The following TUBA1C variants were observed in gnomAD, a reference collection of about 807,000 sequenced individuals.
The protein encoded by TUBA1C is tubulin alpha 1c, also known as tubulin alpha-1C chain.
A neutral mutation model predicts 34.9 loss-of-function variants in TUBA1C; 16 were observed. The observed-to-expected ratio is 0.46, with a 90% confidence interval of 0.31 to 0.70. The LOEUF is 0.70. Among genes scored for constraint, TUBA1C ranks in the 30% least tolerant of loss-of-function variants. The pLI is 0.05. For missense variants in TUBA1C, 329 were observed against 587.3 expected (o/e 0.56, Z 4.55); for synonymous variants, 177 against 215.9 (o/e 0.82, Z 1.58).
rs1013623365 is a variant in TUBA1C, at chr12:49,246,461, C to T, written c.213+18295C>T. On this transcript the variant is annotated intron_variant, in intron 1 of 3. Coordinates refer to the TUBA1C transcript ENST00000541364. ...TTGGGAGGCCGAGGCGGGCGGATCA[C>T]GAGGTCAGGAGATCCAGATCATCCT... is the stretch of plus-strand genomic sequence containing the variant. Among the ~76,000 whole-genome samples, 6 of 150,160 alleles carry T rather than the reference C, an allele frequency of 4.0e-5. No homozygotes were observed. In the East Asian group the frequency reaches 1.0e-3, roughly 26 times the overall value.
chr12:49,230,989 G>T (rs551087115), intron 1 of TUBA1C, among the ~76,000 whole-genome samples: 2 of 152,108 alleles, frequency 1.3e-5, no homozygotes, highest in Admixed American at 6.6e-5. Flanking sequence ...ACTTAGTATC[G>T]TTTCTGGTAT....
intron 1 of TUBA1C, among the ~76,000 whole-genome samples, chr12:49,232,511 G>C (rs753398164): frequency 1.5e-3 from 225 of 152,264 alleles, no homozygotes; most frequent in Non-Finnish European, 2.6e-3. Flanking sequence ...CAGAAGTCAG[G>C]CACCCTTTGT....
chr12:49,269,432 A>C, intron 1 of TUBA1C, 33 bp from the exon 2 acceptor site: 1 of 1,613,474 alleles, frequency 6.2e-7, no homozygotes, highest in Non-Finnish European at 8.5e-7. Flanking sequence ...CTGATGTATT[A>C]TACCCTGACA....
chr12:49,269,546 G>A lies in TUBA1C; in HGVS notation c.85G>A (p.Gly29Ser), dbSNP rs201675442. 131 of 1,614,066 alleles carry A rather than the reference G, an allele frequency of 8.1e-5. No homozygotes were observed. Among genetic ancestry groups the A allele is most frequent in the Non-Finnish European group, 1.0e-4 (123 of 1,180,042 alleles). The change falls in exon 2 of 4, where the codon GGC becomes AGC. Residue 29 changes from glycine to serine, a missense_variant. Physicochemically the swap from Gly to Ser is moderately conservative, Grantham distance 56. This residue lies in a region of TUBA1C where 152 missense variants were observed against 240.3 expected (regional missense o/e 0.63). Coordinates refer to ENST00000301072, the MANE Select transcript of TUBA1C (RefSeq NM_032704.5). ...CTGGGAGCTCTACTGCCTGGAACAC[G>A]GCATCCAGCCCGATGGCCAGATGCC... ...ACWELYCLEH[G>S]IQPDGQMPSD... is the part of the protein sequence containing the mutation.
At position 49,228,001 on chromosome 12, in the gene TUBA1C, C is replaced by A. The variant is rs1294776401; in HGVS notation, c.48C>A (p.Cys16Ter). 9.8e-6 allele frequency: 15 copies of A among 1,535,694 alleles called. No homozygotes were observed. The highest frequency in any genetic ancestry group is 2.4e-5 in the South Asian group (2 of 84,066). The stretch of plus-strand genomic sequence containing the variant: ...TGGAGGAGCTAGGGAGGGATGAGTG[C>A]TTTGTGTGCTTGGAATTAGATCCTT... Residue 16 changes from cysteine (C) to a stop codon, truncating the protein, a stop_gained, in exon 1 of 4, where the codon TGC becomes TGA. Coordinates refer to the TUBA1C transcript ENST00000541364. LOFTEE classifies it high-confidence loss of function.
intron 1 of TUBA1C, among the ~76,000 whole-genome samples, chr12:49,240,193 A>G (rs538133355): frequency 6.7e-6 from 1 of 149,436 alleles, no homozygotes; most frequent in African/African-American, 2.5e-5. Context: ...TCAAATATTT[A>G]TGTTTGGCAA....
intron 1 of TUBA1C, among the ~76,000 whole-genome samples, chr12:49,232,359 A>T (rs906096238): frequency 7.2e-5 from 11 of 152,166 alleles, no homozygotes; most frequent in African/African-American, 2.2e-4. Flanking sequence ...ATATGAACTC[A>T]TTGCAGCCTG....
chr12:49,272,475 T>C lies in TUBA1C; in HGVS notation c.598T>C (p.Cys200Arg). ...CCACACCACCCTGGAGCACTCTGAT[T>C]GTGCCTTCATGGTAGACAATGAGGC... is the stretch of plus-strand genomic sequence containing the variant. ...TTHTTLEHSD[C>R]AFMVDNEAIY... is the part of the protein sequence containing the mutation. Residue 200 changes from cysteine to arginine, a missense_variant, in exon 4 of 4, where the codon TGT becomes CGT. By Grantham distance (180) the Cys-to-Arg change is radical. Around this residue, in one of 4 missense-constraint regions of TUBA1C, gnomAD observed 3 missense variants for 25.5 expected, o/e 0.12. Coordinates refer to ENST00000301072, the MANE Select transcript of TUBA1C (RefSeq NM_032704.5). 6.2e-7 allele frequency: 1 copy of C among 1,611,000 alleles called. No homozygotes were observed. Among genetic ancestry groups the C allele is most frequent in the Non-Finnish European group, 8.5e-7 (1 of 1,179,162 alleles).
At chr12:49,247,927 G>A (rs1283848751) in intron 1 of TUBA1C, among the ~76,000 whole-genome samples, 3 of 128,894 alleles carry the variant, frequency 2.3e-5, no homozygotes, top group African/African-American at 3.0e-5. Context: ...CAGCCTGGGC[G>A]ATAGAACGAG....
chr12:49,257,456 G>C (rs1592281799), intron 1 of TUBA1C, among the ~76,000 whole-genome samples: 1 of 152,064 alleles, frequency 6.6e-6, no homozygotes, highest in South Asian at 2.1e-4. Context: ...TGAGGAATGG[G>C]GGCAGGAAGA....
At chr12:49,236,424 A>T (rs1376832235) in intron 1 of TUBA1C, among the ~76,000 whole-genome samples, 1 of 152,228 alleles carries the variant, frequency 6.6e-6, no homozygotes, top group Non-Finnish European at 1.5e-5. Flanking sequence ...ACATGTTATC[A>T]AGCATAGTTC....
At position 49,269,554 on chromosome 12, in the gene TUBA1C, G is replaced by A; in HGVS notation, c.93G>A (p.Gln31=). ...TCTACTGCCTGGAACACGGCATCCA[G>A]CCCGATGGCCAGATGCCAAGTGACA... is the stretch of plus-strand genomic sequence containing the variant. ...WELYCLEHGI[Q]PDGQMPSDKT... is the part of the protein sequence containing the mutation. The change falls in exon 2 of 4, where the codon CAG becomes CAA. Residue 31 remains glutamine (Q), a synonymous_variant. Transcript: ENST00000301072. 3.1e-6 allele frequency: 5 copies of A among 1,614,240 alleles called. No individual in the cohort carries two copies. Among genetic ancestry groups the A allele is most frequent in the South Asian group, 1.1e-5 (1 of 91,084 alleles).
chr12:49,231,717 C>CAGACAGACAGACAGACAGACAGATAGAT (rs1411016546), intron 1 of TUBA1C, among the ~76,000 whole-genome samples: 4 of 151,156 alleles, frequency 2.6e-5, no homozygotes, highest in African/African-American at 9.8e-5. Flanking sequence ...GACAGACAGA[C>CAGACAGACAGACAGACAGACAGATAGAT]AGATAGATAG....
rs1440651973 is a variant in TUBA1C at position 49,272,334 on chromosome 12, C to T, written c.457C>T (p.Leu153Phe). The change falls in exon 4 of 4, where the codon CTC becomes TTC. Residue 153 changes from leucine (L) to phenylalanine (F), a missense_variant. By Grantham distance (22) the Leu-to-Phe change is conservative. This residue lies in a region of TUBA1C where 152 missense variants were observed against 240.3 expected (regional missense o/e 0.63). Coordinates refer to ENST00000301072, the MANE Select transcript of TUBA1C (RefSeq NM_032704.5). ...AACTGGTTCTGGGTTCACCTCGCTG[C>T]TCATGGAACGTCTCTCAGTTGATTA... is the stretch of plus-strand genomic sequence containing the variant. ...GGTGSGFTSL[L>F]MERLSVDYGK... is the part of the protein sequence containing the mutation. The T allele has an allele frequency of 6.2e-7, 1 of 1,614,132 alleles. No individual in the cohort carries two copies. Among genetic ancestry groups the T allele is most frequent in the Admixed American group, 1.7e-5 (1 of 60,006 alleles).
intron 1 of TUBA1C, among the ~76,000 whole-genome samples, chr12:49,240,796 A>G (rs1942607632): frequency 6.6e-6 from 1 of 152,080 alleles, no homozygotes; most frequent in East Asian, 1.9e-4. Context: ...GACTCTCACT[A>G]CATTGTCCAG....
chr12:49,249,175 C>G (rs1198310628), intron 1 of TUBA1C, among the ~76,000 whole-genome samples: 20 of 152,140 alleles, frequency 1.3e-4, no homozygotes. Flanking sequence ...TGCCTGTAAT[C>G]CCAGCACTTT....
At chr12:49,248,601 C>T (rs1310814169) in intron 1 of TUBA1C, among the ~76,000 whole-genome samples, 11 of 151,012 alleles carry the variant, frequency 7.3e-5, no homozygotes, top group African/African-American at 2.4e-4. Flanking sequence ...CGGTGGCCCA[C>T]GTCTGTAATC....
At chr12:49,265,323 G>A (rs1320870018) in intron 1 of TUBA1C, 139 bp downstream of exon 1, 11 of 586,602 alleles carry the variant, frequency 1.9e-5, no homozygotes, top group Admixed American at 3.4e-5. Context: ...CTGGCTTGTG[G>A]CGGCCGGGCT....
intron 1 of TUBA1C, among the ~76,000 whole-genome samples, chr12:49,250,380 C>T (rs767846307): frequency 1.3e-5 from 2 of 151,538 alleles, no homozygotes; most frequent in African/African-American, 2.4e-5. Flanking sequence ...AAAAATTAGT[C>T]GGGCATGGTG....
Sources: allele counts gnomAD v4.1 joint callset (sites outside exome capture counted in the v4.1 genomes callset), GRCh38; gene constraint gnomAD v4.1.1; regional missense constraint gnomAD v4.1.1; transcripts MANE v1.5; gene names NCBI Gene and HGNC (gene_info 2026-07-23, HGNC 2026-07-21).